Variants in ABCD4 observed in about 807,000 individuals in gnomAD.
The protein encoded by ABCD4 is lysosomal cobalamin transporter ABCD4.
In ABCD4, 53 loss-of-function variants were observed where a neutral mutation model predicts 86.3. That is an observed-to-expected ratio of 0.61 (90% CI 0.49 to 0.77). The LOEUF (loss-of-function observed/expected upper bound fraction) is 0.77. Among genes scored for constraint, ABCD4 ranks in the 30% least tolerant of loss-of-function variants. The probability of loss-of-function intolerance (pLI) is 0.00; values close to 1 mark genes in which losing one functional copy is unlikely to be tolerated. For missense variants in ABCD4, 757 were observed against 764.5 expected, an observed-to-expected ratio of 0.99 and a Z score of 0.12; for synonymous variants, 328 against 313.6, an observed-to-expected ratio of 1.05 and a Z score of -0.49.
chr14:74,295,845 G>A lies in ABCD4; in HGVS notation c.668+9C>T, dbSNP rs1176750533. Reference sequence around the variant, plus strand: ...CCCAGCCCAGAAACCTCAAGTGAGGGAGACACACCTAAAATCTCCCTCCAG... The same window carrying A: ...CCCAGCCCAGAAACCTCAAGTGAGGAAGACACACCTAAAATCTCCCTCCAG... On this transcript the variant is annotated intron_variant, in intron 6 of 18. Transcript: ENST00000356924. The A allele has an allele frequency of 3.7e-6, 6 of 1,613,264 alleles. No homozygotes were observed. The African/African-American group carries it at 6.7e-5, about 18-fold the overall frequency.
rs368694663 is a variant in ABCD4, at chr14:74,297,981, C to T, written c.374G>A (p.Arg125Gln). Residue 125 changes from arginine (R) to glutamine (Q), a missense_variant, in exon 4 of 19, where the codon CGG becomes CAG. Physicochemically the swap from Arg to Gln is conservative, Grantham distance 43 (BLOSUM62 1). Transcript: ENST00000356924. ...GTTGAGGGTGTAGTACGCACGGCCC[C>T]GGAAGTAGAGGCGGTGAAGGTGCTC... is the stretch of plus-strand genomic sequence containing the variant. ...LTEHLHRLYF[R>Q]GRAYYTLNVL... is the part of the protein sequence containing the mutation. The T allele has an allele frequency of 5.1e-5, 82 of 1,613,890 alleles. No individual in the cohort carries two copies. Among genetic ancestry groups the T allele is most frequent in the Middle Eastern group, 1.6e-4 (1 of 6,084 alleles).
At position 74,286,428 on chromosome 14, in the gene ABCD4, C is replaced by T; in HGVS notation, c.*33G>A. The T allele has an allele frequency of 6.2e-7, 1 of 1,612,712 alleles. No homozygotes were observed. Among genetic ancestry groups the T allele is most frequent in the Non-Finnish European group, 8.5e-7 (1 of 1,178,826 alleles). On this transcript the variant is annotated 3_prime_UTR_variant, in exon 19 of 19. Coordinates refer to ENST00000356924, the MANE Select transcript of ABCD4 (RefSeq NM_005050.4). ...TCTCTCCTGAGGGCCGCCGACCCGCCACAGTGTGGCTCTCCTTCCAAAAGC... is the reference window on the plus strand; with the variant it reads ...TCTCTCCTGAGGGCCGCCGACCCGCTACAGTGTGGCTCTCCTTCCAAAAGC...
At chr14:74,302,583 T>G (rs2140164763) in intron 1 of ABCD4, among the ~76,000 whole-genome samples, 1 of 152,284 alleles carries the variant, frequency 6.6e-6, no homozygotes, top group Admixed American at 6.5e-5. Context: ...CTCAATTTTG[T>G]GCACCTGAGG....
At chr14:74,288,471 G>C (rs2139757230) in intron 15 of ABCD4, 1 of 650,728 alleles carries the variant, frequency 1.5e-6, no homozygotes, top group South Asian at 1.9e-5. Flanking sequence ...GCTGGAGCAT[G>C]ATGACAGTAA....
intron 4 of ABCD4, chr14:74,296,673 A>C: frequency 2.0e-6 from 1 of 502,690 alleles, no homozygotes; most frequent in South Asian, 2.4e-5. Flanking sequence ...TGCCTTAGTT[A>C]ATCCCCTGAA....
Position 74,286,257 on chromosome 14 carries a change from A to C in ABCD4, c.*204T>G, listed in dbSNP as rs1241377396. ...GAGGCAGCAGAGTCCTGGGAGACTG[A>C]ACACTGGGAGATTCAGTGTCCCCCA... On this transcript the variant is annotated 3_prime_UTR_variant, in exon 19 of 19. Transcript: ENST00000356924. The C allele has an allele frequency of 1.7e-6, 1 of 581,100 alleles. No individual in the cohort carries two copies. Among genetic ancestry groups the C allele is most frequent in the African/African-American group, 1.9e-5 (1 of 53,346 alleles). The allele number at this position is 581,100 out of a possible 1,614,324, so 36.0% of individuals were successfully genotyped here.
At chr14:74,297,576 A>T in intron 4 of ABCD4, 2 of 305,744 alleles carry the variant, frequency 6.5e-6, no homozygotes, top group Non-Finnish European at 9.7e-6. Flanking sequence ...TTTTTTTAAG[A>T]GATGGGGGTT....
rs1049484995 is a variant in ABCD4, at chr14:74,290,083, C to T, written c.1363G>A (p.Gly455Arg). The T allele has an allele frequency of 3.7e-6, 6 of 1,614,148 alleles. No individual in the cohort carries two copies. The highest frequency in any genetic ancestry group is 4.2e-6 in the Non-Finnish European group (5 of 1,180,024). ...GGCTTTTGTGGCAGGAATAGCACCC[C>T]ATGGGGCCCAAAGTCCGTCAGCATC... ...VQMLTDFGPH[G>R]VLFLPQKPFF... Residue 455 changes from glycine to arginine, a missense_variant, in exon 13 of 19, where the codon GGG becomes AGG. By Grantham distance (125) the Gly-to-Arg change is moderately radical. Coordinates refer to ENST00000356924, the MANE Select transcript of ABCD4 (RefSeq NM_005050.4).
intron 13 of ABCD4, 170 bp downstream of exon 13, chr14:74,289,857 T>C (rs1000686101): frequency 1.6e-5 from 23 of 1,457,126 alleles, no homozygotes; most frequent in East Asian, 7.4e-5. Context: ...GCCCAATCCA[T>C]GGATGTGAAT....
At chr14:74,298,848 CA>C in intron 3 of ABCD4, among the ~76,000 whole-genome samples, 1 of 152,310 alleles carries the variant, frequency 6.6e-6, no homozygotes, top group South Asian at 2.1e-4. Context: ...AGTTCTGGTA[CA>C]GCCCTGAGTC....
chr14:74,299,335 C>A (rs1595064177), intron 3 of ABCD4: 2 of 536,082 alleles, frequency 3.7e-6, no homozygotes, highest in East Asian at 7.0e-5. Context: ...GGCCTGGGCC[C>A]AGGAGTGGAA....
At position 74,290,282 on chromosome 14, in the gene ABCD4, G is replaced by T. The variant is rs112493282; in HGVS notation, c.1327+9C>A. The T allele has an allele frequency of 3.2e-5, 51 of 1,614,146 alleles. No homozygotes were observed. In the African/African-American group the frequency reaches 4.4e-4, roughly 14 times the overall value. Reference sequence around the variant, plus strand: ...GCTGGGTCAGAGGCAGGGAGGGCCTGGCTCTCACCCCGTGTACTCGTCCAG... The same window carrying T: ...GCTGGGTCAGAGGCAGGGAGGGCCTTGCTCTCACCCCGTGTACTCGTCCAG... On this transcript the variant is annotated intron_variant, in intron 12 of 18. Coordinates refer to ENST00000356924, the MANE Select transcript of ABCD4 (RefSeq NM_005050.4).
At position 74,292,339 on chromosome 14, in the gene ABCD4, G is replaced by C; in HGVS notation, c.1066C>G (p.Leu356Val). 1 of 1,614,120 alleles carries C rather than the reference G, an allele frequency of 6.2e-7. No homozygotes were observed. Residue 356 changes from leucine to valine, a missense_variant, in exon 11 of 19, where the codon CTG becomes GTG. Leu to Val is a conservative substitution (Grantham distance 32, BLOSUM62 1). Transcript: ENST00000356924. ...QLRETLLDMS[L>V]KSQDCEILGE... ...AGGATCTCGCAGTCCTGTGACTTCA[G>C]GGACATGTCCAGAAGCGTCTCCCGA...
chr14:74,293,404 A>G (rs547570970), intron 7 of ABCD4, 156 bp from the exon 8 acceptor site: 8 of 611,254 alleles, frequency 1.3e-5, no homozygotes, highest in African/African-American at 1.1e-4. Context: ...TCACGGCTTC[A>G]GTCATGCCTT....
At chr14:74,295,339 G>A in intron 6 of ABCD4, 141 bp from the exon 7 acceptor site, 2 of 908,948 alleles carry the variant, frequency 2.2e-6, no homozygotes, top group Non-Finnish European at 1.7e-6. Flanking sequence ...ACCCTTTCCT[G>A]GACTGTTATG....
At chr14:74,294,941 G>A in intron 7 of ABCD4, 1 of 607,524 alleles carries the variant, frequency 1.6e-6, no homozygotes. Flanking sequence ...GCTGGCCACA[G>A]TAAGGAACCA....
At position 74,302,859 on chromosome 14, in the gene ABCD4, C is replaced by A; in HGVS notation, c.38+16G>T. 6.2e-7 allele frequency: 1 copy of A among 1,605,442 alleles called. No homozygotes were observed. On this transcript the variant is annotated intron_variant, in intron 1 of 18. Transcript: ENST00000356924. ...AACTCCTGCTCCCAAACCTCCTCCC[C>A]GACCGCCCTGCTTACCTGGCGCCAG...
At chr14:74,286,996 A>G (rs1463971721) in intron 17 of ABCD4, among the ~76,000 whole-genome samples, 180 bp from the exon 18 acceptor site, 2 of 152,208 alleles carry the variant, frequency 1.3e-5, no homozygotes, top group African/African-American at 4.8e-5. Context: ...AGACTCTCCA[A>G]GGGAATAGCC....
intron 14 of ABCD4, 164 bp from the exon 15 acceptor site, chr14:74,288,929 T>A: frequency 1.0e-6 from 1 of 971,570 alleles, no homozygotes; most frequent in East Asian, 2.8e-5. Context: ...CTGGCCAACA[T>A]GGTGAAACGC....
Sources: allele counts gnomAD v4.1 joint callset (sites outside exome capture counted in the v4.1 genomes callset), GRCh38; gene constraint gnomAD v4.1.1; transcripts MANE v1.5; gene names NCBI Gene and HGNC (gene_info 2026-07-23, HGNC 2026-07-21).